DNAAF5: variants seen among roughly 807,000 people sequenced by gnomAD.
DNAAF5 encodes the protein HEAT repeat containing 2.
In DNAAF5, 64 loss-of-function variants were observed where a neutral mutation model predicts 75.8. That is an observed-to-expected ratio of 0.84 (90% confidence interval 0.69 to 1.04). DNAAF5 has a LOEUF of 1.04. Among genes scored for constraint, DNAAF5 ranks in the 50% least tolerant of loss-of-function variants. The pLI is 0.00. For synonymous variants in DNAAF5, 657 were observed against 557.2 expected, an observed-to-expected ratio of 1.18 and a Z score of -2.52; for missense variants, 1,269 against 1,178.5, an observed-to-expected ratio of 1.08 and a Z score of -1.12.
chr7:741,578 G>A (rs1308054691), intron 4 of DNAAF5, 113 bp downstream of exon 4: 15 of 684,010 alleles, frequency 2.2e-5, no homozygotes, highest in Middle Eastern at 4.0e-4. Context: ...CCAGGCGGCC[G>A]CGTCGGAAAG....
At position 761,851 on chromosome 7, in the gene DNAAF5, G is replaced by C. The variant is rs765930744; in HGVS notation, c.1569G>C (p.Leu523=). 7 of 1,595,312 alleles carry C rather than the reference G, an allele frequency of 4.4e-6. No individual in the cohort carries two copies. The highest frequency in any genetic ancestry group is 5.1e-6 in the Non-Finnish European group (6 of 1,171,416). Residue 523 remains leucine (L), a synonymous_variant, in exon 7 of 13, where the codon CTG becomes CTC. Coordinates refer to ENST00000297440, the MANE Select transcript of DNAAF5 (RefSeq NM_017802.4). ...CCAGCCTGCAGCTCTTGGACGTGCTGCTGACAATAGTGGCCCTCGCAGGTG... is the reference window on the plus strand; with the variant it reads ...CCAGCCTGCAGCTCTTGGACGTGCTCCTGACAATAGTGGCCCTCGCAGGTG... ...GVASLQLLDV[L]LTIVALAGAT...
At position 757,005 on chromosome 7, in the gene DNAAF5, T is replaced by C. The variant is rs760832042; in HGVS notation, c.1470+11T>C. 4 of 1,597,366 alleles carry C rather than the reference T, an allele frequency of 2.5e-6. No homozygotes were observed. The South Asian group carries it at 3.3e-5, about 13-fold the overall frequency. The stretch of plus-strand genomic sequence containing the variant: ...CAGGCATCTGAAAACGTAAGAGCAC[T>C]TGGGAGATGCGGGAGTGGAGAGGAG... On this transcript the variant is annotated intron_variant, in intron 6 of 12. Transcript: ENST00000297440.
intron 8 of DNAAF5, among the ~76,000 whole-genome samples, chr7:765,432 C>G (rs1583506576): frequency 6.6e-6 from 1 of 152,242 alleles, no homozygotes; most frequent in Non-Finnish European, 1.5e-5. Flanking sequence ...TTACTCCAGC[C>G]TTCACCTCAC....
chr7:752,308 T>C (rs1225194568), intron 4 of DNAAF5, among the ~76,000 whole-genome samples: 130 of 145,178 alleles, frequency 9.0e-4, no homozygotes, highest in East Asian at 6.3e-3. Flanking sequence ...TTTGTGACAG[T>C]GGGCCGGGCC....
At chr7:772,955 A>G (rs1354152364) in intron 9 of DNAAF5, 2 of 89,084 alleles carry the variant, frequency 2.2e-5, no homozygotes, top group Non-Finnish European at 4.5e-5. Flanking sequence ...CCTTCACCCC[A>G]AAATTAAAAA....
At chr7:761,693 T>C in intron 6 of DNAAF5, 60 bp from the exon 7 acceptor site, 1 of 1,522,638 alleles carries the variant, frequency 6.6e-7, no homozygotes. Flanking sequence ...CAAGATGGGA[T>C]TCGGGTGGGG....
intron 4 of DNAAF5, among the ~76,000 whole-genome samples, chr7:745,434 AC>A: frequency 6.6e-6 from 1 of 152,286 alleles, no homozygotes; most frequent in Middle Eastern, 3.4e-3. Context: ...GCATACACAC[AC>A]ACACACATAT....
chr7:753,992 G>A (rs7780165), intron 4 of DNAAF5, among the ~76,000 whole-genome samples: 3,520 of 139,390 alleles, frequency 0.025, 253 homozygotes, highest in African/African-American at 0.095. Flanking sequence ...CTTCGCAGGC[G>A]TGTGTCTCTC....
At chr7:751,601 TCTCA>T (rs2128077041) in intron 4 of DNAAF5, among the ~76,000 whole-genome samples, 1 of 145,006 alleles carries the variant, frequency 6.9e-6, no homozygotes, top group South Asian at 2.2e-4. Flanking sequence ...TGAGATGGAG[TCTCA>T]CTCTGTCGCC....
chr7:729,556 A>T (rs1180236873), intron 1 of DNAAF5, 107 bp from the exon 2 acceptor site: 1 of 1,016,496 alleles, frequency 9.8e-7, no homozygotes, highest in Non-Finnish European at 1.5e-6. Flanking sequence ...TAGGAGAGGA[A>T]GGGAGGTGAG....
intron 2 of DNAAF5, among the ~76,000 whole-genome samples, chr7:735,917 A>T (rs1354990460): frequency 6.6e-6 from 1 of 152,114 alleles, no homozygotes; most frequent in Non-Finnish European, 1.5e-5. Context: ...TAATTGCTAT[A>T]CACTTGCCTC....
intron 8 of DNAAF5, chr7:768,576 A>G (rs4720931): frequency 0.43 from 65,955 of 152,720 alleles, 14,564 homozygotes; most frequent in Non-Finnish European, 0.47. Context: ...CTGGGAGGGC[A>G]GACACGTGGC....
intron 12 of DNAAF5, among the ~76,000 whole-genome samples, chr7:784,527 T>G (rs1420799617): frequency 1.3e-5 from 2 of 152,106 alleles, no homozygotes; most frequent in African/African-American, 4.8e-5. Flanking sequence ...CTGCCTCAGC[T>G]AGACACGCCC....
At chr7:766,221 C>T (rs764097555) in intron 8 of DNAAF5, among the ~76,000 whole-genome samples, 1 of 152,314 alleles carries the variant, frequency 6.6e-6, no homozygotes, top group African/African-American at 2.4e-5. Context: ...GGCACAGCCT[C>T]AAATATAATA....
At chr7:745,420 A>G (rs1474711427) in intron 4 of DNAAF5, among the ~76,000 whole-genome samples, 1 of 132,066 alleles carries the variant, frequency 7.6e-6, no homozygotes, top group Non-Finnish European at 1.7e-5. Flanking sequence ...AGCGAGGCGC[A>G]CACGCATACA....
intron 11 of DNAAF5, among the ~76,000 whole-genome samples, chr7:777,430 A>G (rs1190728303): frequency 6.6e-6 from 1 of 152,174 alleles, no homozygotes; most frequent in Non-Finnish European, 1.5e-5. Flanking sequence ...ATCCACTAAA[A>G]AACAAGTTGA....
intron 8 of DNAAF5, among the ~76,000 whole-genome samples, chr7:769,579 C>T (rs1778483483): frequency 6.6e-6 from 1 of 152,132 alleles, no homozygotes; most frequent in African/African-American, 2.4e-5. Context: ...TTCACTGAAA[C>T]AATTGATTTT....
rs1414724561 is a variant in DNAAF5 at position 774,039 on chromosome 7, C to T, written c.1932-9C>T. On this transcript the variant is annotated splice_polypyrimidine_tract_variant and intron_variant, in intron 9 of 12. Coordinates refer to ENST00000297440, the MANE Select transcript of DNAAF5 (RefSeq NM_017802.4). ...GTCTCCTCATCCACCCTCTCCGTTC[C>T]GGTTCCAGGCAGTTTCCCAGCTACC... 3.5e-5 allele frequency: 57 copies of T among 1,613,990 alleles called. No individual in the cohort carries two copies. The highest frequency in any genetic ancestry group is 4.7e-5 in the Non-Finnish European group (56 of 1,180,002).
intron 8 of DNAAF5, among the ~76,000 whole-genome samples, chr7:764,708 T>C (rs1320427584): frequency 6.6e-6 from 1 of 152,206 alleles, no homozygotes; most frequent in Non-Finnish European, 1.5e-5. Context: ...ACCTTTTTTT[T>C]CCTGAGACTT....
Sources: allele counts gnomAD v4.1 joint callset (sites outside exome capture counted in the v4.1 genomes callset), GRCh38; gene constraint gnomAD v4.1.1; transcripts MANE v1.5; gene names NCBI Gene and HGNC (gene_info 2026-07-23, HGNC 2026-07-21).